DHRS7B: variants seen among roughly 807,000 people sequenced by gnomAD.
DHRS7B encodes the protein peroxisomal reductase activating PPAR-gamma.
Under a neutral mutation model 26.4 loss-of-function variants are expected in DHRS7B, and 24 were observed. The observed-to-expected ratio is 0.91, with a 90% CI of 0.66 to 1.28. The LOEUF (loss-of-function observed/expected upper bound fraction) is 1.28, where lower values mean the gene tolerates loss of function less well. Among genes scored for constraint, DHRS7B ranks in the 50% most tolerant of loss-of-function variants. The probability of loss-of-function intolerance (pLI) is 0.00; values close to 1 mark genes in which losing one functional copy is unlikely to be tolerated. For missense variants in DHRS7B, 368 were observed against 419.4 expected (o/e 0.88, Z 1.07); for synonymous variants, 142 against 166.4 (o/e 0.85, Z 1.13).
chr17:21,158,467 G>A (rs892743770), intron 1 of DHRS7B, among the ~76,000 whole-genome samples: 7 of 152,186 alleles, frequency 4.6e-5, no homozygotes, highest in African/African-American at 1.4e-4. Context: ...TATACCAGCC[G>A]TGAACAAGTA....
At chr17:21,144,587 G>C (rs1973599804) in intron 1 of DHRS7B, among the ~76,000 whole-genome samples, 1 of 152,172 alleles carries the variant, frequency 6.6e-6, no homozygotes, top group Non-Finnish European at 1.5e-5. Context: ...AGAGGCCAAG[G>C]TGGGTGGATC....
chr17:21,136,422 G>C (rs1047659512), intron 1 of DHRS7B, among the ~76,000 whole-genome samples: 2 of 140,082 alleles, frequency 1.4e-5, no homozygotes, highest in African/African-American at 5.4e-5. Flanking sequence ...CATGGAGGCT[G>C]AATCACTTGA....
At chr17:21,164,729 C>G (rs1273637437) in intron 1 of DHRS7B, among the ~76,000 whole-genome samples, 1 of 152,198 alleles carries the variant, frequency 6.6e-6, no homozygotes, top group East Asian at 1.9e-4. Context: ...TCCATAGGGG[C>G]TGCCTCCATG....
chr17:21,131,225 A>G (rs1293427390), intron 1 of DHRS7B, among the ~76,000 whole-genome samples: 1 of 152,244 alleles, frequency 6.6e-6, no homozygotes, highest in Admixed American at 6.5e-5. Context: ...TCCATAGGCA[A>G]AGCAGCCCTG....
At position 21,183,822 on chromosome 17, in the gene DHRS7B, G is replaced by C. The variant is rs772583532; in HGVS notation, c.526+12G>C. On this transcript the variant is annotated intron_variant, in intron 4 of 6. Transcript: ENST00000395511. ...TGCTCTAACGAAAGGTAACAGTCTT[G>C]AGAAAAGAGCAGTGATAAGTGATAT... The C allele has an allele frequency of 6.2e-7, 1 of 1,609,858 alleles. No homozygotes were observed. The highest frequency in any genetic ancestry group is 1.1e-5 in the South Asian group (1 of 90,970).
At chr17:21,186,736 G>A (rs1974643058) in intron 5 of DHRS7B, among the ~76,000 whole-genome samples, 1 of 152,180 alleles carries the variant, frequency 6.6e-6, no homozygotes, top group Non-Finnish European at 1.5e-5. Context: ...GTCATTATAG[G>A]GTCACTGTGT....
intron 1 of DHRS7B, among the ~76,000 whole-genome samples, chr17:21,139,797 A>G (rs1597732787): frequency 1.3e-5 from 2 of 152,120 alleles, no homozygotes; most frequent in Non-Finnish European, 1.5e-5. Flanking sequence ...GCTTTTTATT[A>G]AAGAGTCTAC....
intron 1 of DHRS7B, among the ~76,000 whole-genome samples, chr17:21,160,372 TA>T (rs898501560): frequency 6.6e-6 from 1 of 151,326 alleles, no homozygotes; most frequent in African/African-American, 2.4e-5. Context: ...TAAAAAAATT[TA>T]AAAAATTAAA....
chr17:21,172,072 G>T lies in DHRS7B; in HGVS notation c.75G>T (p.Leu25=), dbSNP rs770401773. Residue 25 remains leucine, a synonymous_variant, in exon 2 of 7, where the codon CTG becomes CTT. Coordinates refer to ENST00000395511, the MANE Select transcript of DHRS7B (RefSeq NM_015510.5). ...ACTTCATCACCTCCACAGCCATCCT[G>T]CCCCTGCTGTTCGGCTGCCTGGGCG... ...AMDFITSTAI[L]PLLFGCLGVF... The T allele has an allele frequency of 3.2e-5, 52 of 1,614,090 alleles. No homozygotes were observed. Among genetic ancestry groups the T allele is most frequent in the Non-Finnish European group, 4.3e-5 (51 of 1,180,040 alleles).
intron 1 of DHRS7B, among the ~76,000 whole-genome samples, chr17:21,133,270 C>G (rs972077980): frequency 3.3e-5 from 5 of 152,218 alleles, no homozygotes; most frequent in African/African-American, 1.2e-4. Flanking sequence ...GCCCATGACA[C>G]AGCCTCAGGA....
intron 1 of DHRS7B, among the ~76,000 whole-genome samples, chr17:21,157,013 C>T (rs750068771): frequency 2.0e-5 from 3 of 151,772 alleles, no homozygotes; most frequent in Non-Finnish European, 2.9e-5. Context: ...CCAAAACTCA[C>T]GCAATAAGAA....
chr17:21,182,707 T>C (rs1974540876), intron 3 of DHRS7B, among the ~76,000 whole-genome samples: 1 of 152,216 alleles, frequency 6.6e-6, no homozygotes, highest in South Asian at 2.1e-4. Flanking sequence ...TTTTCCTATG[T>C]TGAACCAACT....
At chr17:21,137,390 G>A (rs1157420752) in intron 1 of DHRS7B, among the ~76,000 whole-genome samples, 4 of 148,920 alleles carry the variant, frequency 2.7e-5, no homozygotes, top group East Asian at 2.0e-4. Flanking sequence ...TCCACTTACC[G>A]GGTTCACACC....
chr17:21,164,149 C>T lies in DHRS7B; in HGVS notation c.21-7869C>T, dbSNP rs148638356. 1.9e-3 allele frequency among the ~76,000 whole-genome samples: 282 copies of T among 151,460 alleles called. 6 individuals are homozygous for T. The East Asian group carries it at 0.049, about 26-fold the overall frequency. On this transcript the variant is annotated intron_variant, in intron 1 of 6. Coordinates refer to ENST00000395511, the MANE Select transcript of DHRS7B (RefSeq NM_015510.5). ...GCTCAGGCAATCCTCCCACCTCAGCCTCCTGAGTAGCTGGGACCACAGGTG... is the reference window on the plus strand; with the variant it reads ...GCTCAGGCAATCCTCCCACCTCAGCTTCCTGAGTAGCTGGGACCACAGGTG...
chr17:21,150,127 A>C (rs1288246616), intron 1 of DHRS7B, among the ~76,000 whole-genome samples: 3 of 150,984 alleles, frequency 2.0e-5, no homozygotes, highest in Non-Finnish European at 4.4e-5. Flanking sequence ...AAAAAAAAAA[A>C]AAAAACTAAG....
chr17:21,135,436 CAA>C (rs1461062464), intron 1 of DHRS7B, among the ~76,000 whole-genome samples: 4 of 152,082 alleles, frequency 2.6e-5, no homozygotes, highest in Non-Finnish European at 5.9e-5. Context: ...TGTCAAATAT[CAA>C]AGGTTTTAAA....
chr17:21,188,093 G>A lies in DHRS7B; in HGVS notation c.620-618G>A, dbSNP rs1161882781. 1.1e-4 allele frequency among the ~76,000 whole-genome samples: 16 copies of A among 151,926 alleles called. No homozygotes were observed. In the East Asian group the frequency reaches 2.7e-3, roughly 26 times the overall value. On this transcript the variant is annotated intron_variant, in intron 5 of 6. Coordinates refer to ENST00000395511, the MANE Select transcript of DHRS7B (RefSeq NM_015510.5). ...TCTCGATCTCCTGACCTCGTGATCCGCTCACCTTGGCCTCCCAAAGTGCTG... is the reference window on the plus strand; with the variant it reads ...TCTCGATCTCCTGACCTCGTGATCCACTCACCTTGGCCTCCCAAAGTGCTG...
chr17:21,187,997 C>T (rs1464141992), intron 5 of DHRS7B, among the ~76,000 whole-genome samples: 4 of 152,034 alleles, frequency 2.6e-5, no homozygotes, highest in Non-Finnish European at 4.4e-5. Flanking sequence ...TACAGGCACC[C>T]GCCACCAAGC....
intron 1 of DHRS7B, chr17:21,166,348 C>T (rs962844423): frequency 2.4e-5 from 24 of 985,390 alleles, no homozygotes; most frequent in Non-Finnish European, 2.7e-5. Flanking sequence ...GCCACTCTGC[C>T]GTGGCTTGTT....
Sources: gnomAD v4.1 joint callset for allele counts (sites outside exome capture counted in the v4.1 genomes callset) on GRCh38, gnomAD v4.1.1 for gene constraint, MANE v1.5 for transcripts, NCBI Gene and HGNC (gene_info 2026-07-23, HGNC 2026-07-21) for gene names.